Variants in PPP2R3B observed in about 807,000 individuals in gnomAD.
PPP2R3B encodes protein phosphatase 2 regulatory subunit B''beta.
In PPP2R3B, 68 loss-of-function variants were observed where a neutral mutation model predicts 72.9. The observed-to-expected ratio is 0.93, with a 90% confidence interval of 0.77 to 1.14. The LOEUF (loss-of-function observed/expected upper bound fraction) is 1.14, where lower values mean the gene tolerates loss of function less well. Among genes scored for constraint, PPP2R3B ranks in the 50% most tolerant of loss-of-function variants. The pLI is 0.00. For missense variants in PPP2R3B, 1,018 were observed against 842.0 expected (o/e 1.21, Z -2.59); for synonymous variants, 466 against 375.8 (o/e 1.24, Z -2.78).
intron 7 of PPP2R3B, 133 bp from the exon 8 acceptor site, chrX:342,064 G>T: frequency 9.9e-7 from 1 of 1,007,832 alleles, no homozygotes; most frequent in Non-Finnish European, 1.6e-6. Context: ...GAGCCCCGGG[G>T]CCCCGATGCC....
At chrX:372,548 T>C (rs2071888986) in intron 1 of PPP2R3B, among the ~76,000 whole-genome samples, 1 of 152,222 alleles carries the variant, frequency 6.6e-6, no homozygotes, top group South Asian at 2.1e-4. Flanking sequence ...ACTGGGATTG[T>C]CACAGGAAGA....
chrX:346,462 C>T, intron 5 of PPP2R3B: 1 of 633,096 alleles, frequency 1.6e-6, no homozygotes, highest in Non-Finnish European at 2.7e-6. Context: ...GCCGGGGACG[C>T]CCCGGAGCTA....
chrX:363,624 C>A (rs1280983288), intron 1 of PPP2R3B, among the ~76,000 whole-genome samples: 13 of 48,414 alleles, frequency 2.7e-4, no homozygotes, highest in East Asian at 7.1e-4. Flanking sequence ...ATGCATCTCC[C>A]CGAGCCCACC....
At chrX:368,312 G>A (rs1407062766) in intron 1 of PPP2R3B, among the ~76,000 whole-genome samples, 11 of 128,128 alleles carry the variant, frequency 8.6e-5, no homozygotes, top group African/African-American at 3.2e-4. Context: ...GGGGAAGGCC[G>A]GGACCACCCA....
intron 1 of PPP2R3B, among the ~76,000 whole-genome samples, chrX:367,326 C>T (rs982058130): frequency 4.0e-5 from 6 of 151,776 alleles, no homozygotes; most frequent in African/African-American, 1.5e-4. Flanking sequence ...GTCAATACAA[C>T]AGCCTGTCAG....
intron 2 of PPP2R3B, 143 bp from the exon 3 acceptor site, chrX:347,836 T>C (rs2071255855): frequency 1.7e-6 from 1 of 603,220 alleles, no homozygotes; most frequent in Non-Finnish European, 2.8e-6. Flanking sequence ...TGTCTGGGCA[T>C]CTGCAAACTC....
At chrX:364,115 C>T (rs967468599) in intron 1 of PPP2R3B, among the ~76,000 whole-genome samples, 2 of 152,248 alleles carry the variant, frequency 1.3e-5, no homozygotes, top group African/African-American at 4.8e-5. Flanking sequence ...CGAAATCTCT[C>T]ACAGCCTTGC....
Position 345,656 on chromosome X carries a change from T to A in PPP2R3B, c.896A>T (p.Glu299Val). 5.0e-6 allele frequency: 8 copies of A among 1,612,418 alleles called. No individual in the cohort carries two copies. Among genetic ancestry groups the A allele is most frequent in the Non-Finnish European group, 6.8e-6 (8 of 1,179,340 alleles). ...CAGCTGGTTGATGTCCGCCTCCTCC[T>A]CCAGCAGCGCCACATTCTGCCAAAG... ...SSFLQNVALLEEEADINQLTE... is the reference protein window; with the variant it reads ...SSFLQNVALLVEEADINQLTE... The change falls in exon 7 of 13, where the codon GAG (glutamate) becomes GTG (valine). Residue 299 changes from glutamate (E) to valine (V), a missense_variant. Transcript: ENST00000390665.
chrX:345,016 T>G, intron 7 of PPP2R3B: 1 of 371,126 alleles, frequency 2.7e-6, no homozygotes, highest in Non-Finnish European at 5.3e-6. Context: ...TGGATGACTC[T>G]TAGAGGGGCC....
rs139084691 is a variant in PPP2R3B at position 334,513 on chromosome X, C to T, written c.1582G>A (p.Glu528Lys). ...TGCTCCACAGGGCTGAGCTCGGCCT[C>T]GAACCTGCAACGAGGGGATGGCGAA... The part of the protein sequence containing the change: ...TAGEPWEDGF[E>K]AELSPVEQKL... The change falls in exon 13 of 13, where the codon GAG becomes AAG. Residue 528 changes from glutamate (E) to lysine (K), a missense_variant. Coordinates refer to ENST00000390665, the MANE Select transcript of PPP2R3B (RefSeq NM_013239.5). 505 of 1,543,030 alleles carry T rather than the reference C, an allele frequency of 3.3e-4. 3 individuals carry two copies. In the African/African-American group the frequency reaches 6.6e-3, roughly 20 times the overall value.
rs1394098293 is a variant in PPP2R3B at position 338,499 on chromosome X, G to A, written c.1577+105C>T. The stretch of plus-strand genomic sequence containing the variant: ...CCGCGCACCCCACCTGACTGACCCC[G>A]CATCCCCCGGCTGCACACACACCCG... On this transcript the variant is annotated intron_variant, in intron 12 of 12. Transcript: ENST00000390665. The A allele has an allele frequency of 3.0e-5, 34 of 1,152,144 alleles. 1 individual carries two copies. Among genetic ancestry groups the A allele is most frequent in the Admixed American group, 2.3e-4 (11 of 48,718 alleles). The allele number at this position is 1,152,144 out of a possible 1,614,324, so 71.4% of individuals were successfully genotyped here. A position where few individuals can be genotyped will look rare whatever the true frequency, so the allele number is the denominator to read the frequency against.
At chrX:353,782 C>CA (rs769273082) in intron 2 of PPP2R3B, among the ~76,000 whole-genome samples, 1 of 149,318 alleles carries the variant, frequency 6.7e-6, no homozygotes, top group Non-Finnish European at 1.5e-5. Context: ...ACCCAAAGAC[C>CA]GGGGCTCACC....
intron 2 of PPP2R3B, among the ~76,000 whole-genome samples, chrX:348,603 T>C (rs1306429463): frequency 7.0e-6 from 1 of 142,888 alleles, no homozygotes; most frequent in Non-Finnish European, 1.5e-5. Flanking sequence ...AGATTAGCCA[T>C]GTCAGCTGTA....
chrX:339,187 G>C (rs764789355), intron 10 of PPP2R3B, among the ~76,000 whole-genome samples: 7 of 149,932 alleles, frequency 4.7e-5, no homozygotes, highest in African/African-American at 9.8e-5. Flanking sequence ...TGCTGGATCT[G>C]AAATTACAGA....
chrX:370,358 G>A (rs2071831619), intron 1 of PPP2R3B, among the ~76,000 whole-genome samples: 1 of 152,150 alleles, frequency 6.6e-6, no homozygotes, highest in Non-Finnish European at 1.5e-5. Flanking sequence ...GAGAGACGTC[G>A]GCTGGGGCCT....
At position 341,866 on chromosome X, in the gene PPP2R3B, G is replaced by A. The variant is rs769961362; in HGVS notation, c.1085+17C>T. 5 of 1,612,414 alleles carry A rather than the reference G, an allele frequency of 3.1e-6. No individual in the cohort carries two copies. The highest frequency in any genetic ancestry group is 3.3e-5 in the Admixed American group (2 of 60,022). ...GCAGGGGCAATGGCTGCCGTCAGGC[G>A]CCTGAGCCGTACGTACCGTGTGACT... On this transcript the variant is annotated intron_variant, in intron 8 of 12. Coordinates refer to ENST00000390665, the MANE Select transcript of PPP2R3B (RefSeq NM_013239.5).
rs775805881 is a variant in PPP2R3B, at chrX:338,831, TGAA to T, written c.1414_1416del (p.Phe472del). On this transcript the variant is annotated inframe_deletion, in exon 11 of 13. Transcript: ENST00000390665. ...TCGTGGTCGAGGTACTTCTCGATGT[TGAA>T]GAAGGTGTCGAAGAAGACGTTAGCC... 51 of 1,612,318 alleles carry T rather than the reference TGAA, an allele frequency of 3.2e-5. No homozygotes were observed. Among genetic ancestry groups the T allele is most frequent in the Admixed American group, 1.8e-4 (11 of 59,990 alleles).
chrX:348,855 C>T (rs1160781535), intron 2 of PPP2R3B, among the ~76,000 whole-genome samples: 14 of 152,004 alleles, frequency 9.2e-5, no homozygotes, highest in Non-Finnish European at 1.6e-4. Context: ...AGAAATCACA[C>T]ATGCGTTCCC....
intron 1 of PPP2R3B, among the ~76,000 whole-genome samples, chrX:383,435 A>AC (rs2072167515): frequency 6.6e-6 from 1 of 152,184 alleles, no homozygotes; most frequent in South Asian, 2.1e-4. Flanking sequence ...CTTCCGTAGT[A>AC]TTCTCGGGAC....
Sources: gnomAD v4.1 joint callset for allele counts (sites outside exome capture counted in the v4.1 genomes callset) on GRCh38, gnomAD v4.1.1 for gene constraint, MANE v1.5 for transcripts, NCBI Gene and HGNC (gene_info 2026-07-23, HGNC 2026-07-21) for gene names.